Variants in GRIA1 observed in about 807,000 individuals in gnomAD.
The protein encoded by GRIA1 is glutamate receptor 1.
Under a neutral mutation model 99.2 loss-of-function variants are expected in GRIA1, and 31 were observed. The observed-to-expected ratio is 0.31, with a 90% CI of 0.23 to 0.42. The LOEUF (loss-of-function observed/expected upper bound fraction) is 0.42. Among genes scored for constraint, GRIA1 ranks in the 10% least tolerant of loss-of-function variants. The pLI is 1.00. For synonymous variants in GRIA1, 438 were observed against 432.4 expected (o/e 1.01, Z -0.16); for missense variants, 782 against 1,157.5 (o/e 0.68, Z 4.71).
At chr5:153,569,762 G>T (rs1761954214) in intron 2 of GRIA1, among the ~76,000 whole-genome samples, 1 of 152,144 alleles carries the variant, frequency 6.6e-6, no homozygotes, top group Non-Finnish European at 1.5e-5. Flanking sequence ...CTGCAGATAG[G>T]CATAACTACT....
At chr5:153,524,055 C>T (rs1472451906) in intron 2 of GRIA1, among the ~76,000 whole-genome samples, 2 of 152,188 alleles carry the variant, frequency 1.3e-5, no homozygotes, top group Non-Finnish European at 2.9e-5. Flanking sequence ...GGGCCAGGCG[C>T]AGTGGCTCAC....
intron 2 of GRIA1, among the ~76,000 whole-genome samples, chr5:153,642,152 GA>G (rs1428439953): frequency 3.9e-5 from 6 of 152,174 alleles, no homozygotes; most frequent in African/African-American, 1.4e-4. Context: ...ATCAGGGGAA[GA>G]CAGTGTGCTA....
intron 11 of GRIA1, among the ~76,000 whole-genome samples, chr5:153,722,390 ACC>A (rs1760137393): frequency 6.6e-6 from 1 of 152,170 alleles, no homozygotes; most frequent in African/African-American, 2.4e-5. Context: ...AGAAGACTTT[ACC>A]TACCTCAAAG....
chr5:153,628,959 T>C (rs899711704), intron 2 of GRIA1, among the ~76,000 whole-genome samples: 10 of 152,154 alleles, frequency 6.6e-5, no homozygotes, highest in African/African-American at 2.4e-4. Context: ...CTGCTGAGAA[T>C]CATCATAGAA....
intron 11 of GRIA1, among the ~76,000 whole-genome samples, chr5:153,727,066 G>T (rs376622368): frequency 6.6e-6 from 1 of 152,118 alleles, no homozygotes; most frequent in Non-Finnish European, 1.5e-5. Context: ...TCCCTGGGAT[G>T]CAAGGCTGGT....
intron 8 of GRIA1, among the ~76,000 whole-genome samples, chr5:153,691,185 A>G (rs1287539763): frequency 1.3e-5 from 2 of 152,198 alleles, no homozygotes; most frequent in Non-Finnish European, 2.9e-5. Context: ...TTGCTCTACT[A>G]AAATGGGATC....
At chr5:153,777,331 G>A (rs898890513) in intron 13 of GRIA1, among the ~76,000 whole-genome samples, 2 of 152,204 alleles carry the variant, frequency 1.3e-5, no homozygotes, top group East Asian at 3.9e-4. Flanking sequence ...AGATGACCAG[G>A]AATCCTCATG....
intron 11 of GRIA1, among the ~76,000 whole-genome samples, chr5:153,709,225 C>A (rs1405760899): frequency 6.6e-6 from 1 of 152,196 alleles, no homozygotes; most frequent in East Asian, 1.9e-4. Flanking sequence ...ATGTTAGACA[C>A]TCTGGGTGCT....
intron 3 of GRIA1, among the ~76,000 whole-genome samples, 154 bp from the exon 4 acceptor site, chr5:153,650,174 CAG>C (rs939428141): frequency 1.3e-5 from 2 of 152,154 alleles, no homozygotes; most frequent in African/African-American, 4.8e-5. Context: ...TCTGATCTCA[CAG>C]AGTTCAGAGT....
intron 2 of GRIA1, among the ~76,000 whole-genome samples, chr5:153,607,158 G>A (rs981680034): frequency 1.1e-4 from 16 of 150,820 alleles, no homozygotes; most frequent in Admixed American, 2.6e-4. Flanking sequence ...CTATAAACAT[G>A]CATGTGCAAG....
Position 153,765,195 on chromosome 5 carries a change from G to A in GRIA1, c.2022+563G>A, listed in dbSNP as rs114547483. Among the ~76,000 whole-genome samples the A allele has an allele frequency of 9.7e-3, 1,483 of 152,272 alleles. 15 individuals are homozygous for A. The highest frequency in any genetic ancestry group is 0.034 in the African/African-American group (1,398 of 41,562). Reference sequence around the variant, plus strand: ...CAGAAGACAGTGAGCGGAAGCAAAGGAGCAGAGAGCTTAGGAGCACAGCCT... The same window carrying A: ...CAGAAGACAGTGAGCGGAAGCAAAGAAGCAGAGAGCTTAGGAGCACAGCCT... On this transcript the variant is annotated intron_variant, in intron 12 of 15. Transcript: ENST00000285900.
At chr5:153,569,788 G>A (rs1161902245) in intron 2 of GRIA1, among the ~76,000 whole-genome samples, 2 of 152,124 alleles carry the variant, frequency 1.3e-5, no homozygotes, top group Non-Finnish European at 2.9e-5. Context: ...CCTTTTCTGT[G>A]TATATATTAG....
At chr5:153,621,712 T>C (rs1767068684) in intron 2 of GRIA1, among the ~76,000 whole-genome samples, 1 of 152,102 alleles carries the variant, frequency 6.6e-6, no homozygotes, top group South Asian at 2.1e-4. Flanking sequence ...AATGTGATAA[T>C]ATGGATGAAG....
chr5:153,726,616 C>T (rs571022238), intron 11 of GRIA1, among the ~76,000 whole-genome samples: 76 of 152,266 alleles, frequency 5.0e-4, no homozygotes, highest in African/African-American at 1.1e-3. Flanking sequence ...AACACCTCTA[C>T]GCAAATAAAC....
intron 2 of GRIA1, among the ~76,000 whole-genome samples, chr5:153,624,675 A>T (rs868070865): frequency 3.9e-5 from 6 of 152,334 alleles, no homozygotes; most frequent in South Asian, 2.1e-4. Context: ...GGGGGGAAAA[A>T]AATTGATAGT....
intron 11 of GRIA1, among the ~76,000 whole-genome samples, chr5:153,747,983 T>C (rs1261545867): frequency 6.6e-6 from 1 of 152,276 alleles, no homozygotes; most frequent in African/African-American, 2.4e-5. Context: ...ATTCAGTGTA[T>C]GTTCACTGAG....
chr5:153,580,517 A>C (rs1762954359), intron 2 of GRIA1, among the ~76,000 whole-genome samples: 1 of 152,218 alleles, frequency 6.6e-6, no homozygotes, highest in South Asian at 2.1e-4. Context: ...TGTAGCCTTA[A>C]TCAAGTGTCT....
At chr5:153,743,259 T>C (rs1173076915) in intron 11 of GRIA1, among the ~76,000 whole-genome samples, 3 of 152,156 alleles carry the variant, frequency 2.0e-5, no homozygotes, top group Non-Finnish European at 4.4e-5. Flanking sequence ...CATACATTAG[T>C]TTTCCATTGC....
intron 2 of GRIA1, chr5:153,573,352 G>T (rs1470084406): frequency 6.6e-6 from 1 of 152,142 alleles, no homozygotes; most frequent in Non-Finnish European, 1.5e-5. Context: ...TTTCTCACTT[G>T]GGAAATGGGA....
Sources: allele counts gnomAD v4.1 joint callset (sites outside exome capture counted in the v4.1 genomes callset), GRCh38; gene constraint gnomAD v4.1.1; transcripts MANE v1.5; gene names NCBI Gene and HGNC (gene_info 2026-07-23, HGNC 2026-07-21).